Variants in ZMYM1 observed in about 807,000 individuals in gnomAD.
The protein encoded by ZMYM1 is zinc finger MYM-type containing 1, also known as zinc finger MYM-type protein 1.
A neutral mutation model predicts 60.0 loss-of-function variants in ZMYM1; 39 were observed. The observed-to-expected ratio is 0.65, with a 90% CI of 0.50 to 0.85. ZMYM1 has a LOEUF of 0.85. ZMYM1 is among the 40% of genes least tolerant of loss of function. ZMYM1 has a pLI of 0.00. For missense variants in ZMYM1, 1,171 were observed against 1,309.5 expected, an observed-to-expected ratio of 0.89 and a Z score of 1.63; for synonymous variants, 413 against 454.0, an observed-to-expected ratio of 0.91 and a Z score of 1.15.
At chr1:35,062,740 T>C (rs1641898748) in intron 1 of ZMYM1, among the ~76,000 whole-genome samples, 1 of 152,226 alleles carries the variant, frequency 6.6e-6, no homozygotes, top group African/African-American at 2.4e-5. Flanking sequence ...GTAATAAGGA[T>C]ACTGATGGCT....
chr1:35,059,891 G>A (rs1569828423), exon 1 of ZMYM1: 1 of 151,986 alleles, frequency 6.6e-6, no homozygotes, highest in African/African-American at 2.4e-5. Flanking sequence ...TGTCAGAGAG[G>A]TTCTGATTAC....
intron 1 of ZMYM1, among the ~76,000 whole-genome samples, chr1:35,081,004 C>T (rs1172276945): frequency 6.6e-6 from 1 of 151,898 alleles, no homozygotes; most frequent in South Asian, 2.1e-4. Context: ...AGTGCAGTAG[C>T]GCGATCTCAG....
At chr1:35,101,770 C>T (rs768374600) in intron 4 of ZMYM1, among the ~76,000 whole-genome samples, 37 of 151,972 alleles carry the variant, frequency 2.4e-4, no homozygotes, top group Non-Finnish European at 1.8e-4. Flanking sequence ...AGGCTAGTCT[C>T]GAACTCCTGA....
At chr1:35,111,506 A>G (rs541982885) in intron 7 of ZMYM1, among the ~76,000 whole-genome samples, 1 of 152,334 alleles carries the variant, frequency 6.6e-6, no homozygotes, top group African/African-American at 2.4e-5. Context: ...ATTTTAAACA[A>G]ATTCTTTAAA....
chr1:35,069,420 C>T (rs1642030783), intron 1 of ZMYM1, among the ~76,000 whole-genome samples: 1 of 152,034 alleles, frequency 6.6e-6, no homozygotes. Flanking sequence ...TTATCTTGTC[C>T]ATTTTAAAAT....
At chr1:35,107,742 T>G (rs1200596667) in intron 6 of ZMYM1, among the ~76,000 whole-genome samples, 3 of 152,236 alleles carry the variant, frequency 2.0e-5, no homozygotes, top group Admixed American at 6.5e-5. Context: ...ATTGTAATTA[T>G]TTTGGCCATA....
chr1:35,099,544 T>C (rs1643526396), intron 4 of ZMYM1, among the ~76,000 whole-genome samples: 1 of 152,162 alleles, frequency 6.6e-6, no homozygotes, highest in Non-Finnish European at 1.5e-5. Context: ...AATATTATAT[T>C]GTAGTGGGTA....
At chr1:35,085,841 A>G (rs1642624756) in intron 1 of ZMYM1, among the ~76,000 whole-genome samples, 1 of 152,208 alleles carries the variant, frequency 6.6e-6, no homozygotes, top group Non-Finnish European at 1.5e-5. Flanking sequence ...ACTGGCCCCT[A>G]GCATTTGTGG....
At chr1:35,101,685 G>A (rs1361712230) in intron 4 of ZMYM1, among the ~76,000 whole-genome samples, 5 of 151,364 alleles carry the variant, frequency 3.3e-5, no homozygotes, top group African/African-American at 4.9e-5. Context: ...TTACAGTGTC[G>A]TGTTCATAAC....
chr1:35,091,622 A>C (rs2935950), intron 1 of ZMYM1, among the ~76,000 whole-genome samples: 151,944 of 151,948 alleles, frequency 1, 75,970 homozygotes, highest in Non-Finnish European at 1. Context: ...ATAGGCTGGG[A>C]GCAGATGGAC....
At chr1:35,104,122 A>G (rs1643798044) in intron 4 of ZMYM1, 173 bp from the exon 5 acceptor site, 2 of 577,456 alleles carry the variant, frequency 3.5e-6, no homozygotes, top group African/African-American at 1.9e-5. Context: ...TAATGTATAG[A>G]TGAGAAAATT....
intron 4 of ZMYM1, among the ~76,000 whole-genome samples, chr1:35,098,697 A>G (rs1179020021): frequency 6.6e-6 from 1 of 152,158 alleles, no homozygotes; most frequent in African/African-American, 2.4e-5. Context: ...GCCTGAGCTC[A>G]GGAGTTTGAG....
In ZMYM1 at chr1:35,115,000, A is replaced by G; in HGVS notation, c.3170A>G (p.His1057Arg). ...AGTCTCGGCTGTTTGTTTATTCAGC[A>G]TGGTCTTCACAGTAATATTCCTTGT... is the stretch of plus-strand genomic sequence containing the variant. ...FVSLGCLFIQ[H>R]GLHSNIPCLS... Residue 1057 changes from histidine (H) to arginine (R), a missense_variant, in exon 10 of 10, where the codon CAT (histidine) becomes CGT (arginine). His to Arg is a conservative substitution (Grantham distance 29, BLOSUM62 0). Transcript: ENST00000359858. 2.5e-6 allele frequency: 4 copies of G among 1,614,102 alleles called. No homozygotes were observed. The highest frequency in any genetic ancestry group is 2.5e-6 in the Non-Finnish European group (3 of 1,179,948).
chr1:35,095,735 A>T, intron 2 of ZMYM1, 84 bp from the exon 3 acceptor site: 2 of 1,193,240 alleles, frequency 1.7e-6, no homozygotes, highest in Non-Finnish European at 2.3e-6. Context: ...CTTGACCACA[A>T]TTTATCATTT....
At chr1:35,118,722 G>T (rs1420499318), downstream of ZMYM1, among the ~76,000 whole-genome samples, 4 of 152,156 alleles carry the variant, frequency 2.6e-5, no homozygotes, top group South Asian at 2.1e-4. Context: ...AAAAATCGAG[G>T]TTGGTGTTCT....
At chr1:35,064,665 T>C (rs1641937323) in intron 1 of ZMYM1, among the ~76,000 whole-genome samples, 1 of 150,036 alleles carries the variant, frequency 6.7e-6, no homozygotes, top group Non-Finnish European at 1.5e-5. Context: ...TCCAAACATA[T>C]GGAAATTAAA....
chr1:35,106,086 CTT>C (rs894160358), intron 6 of ZMYM1, among the ~76,000 whole-genome samples: 9 of 151,976 alleles, frequency 5.9e-5, no homozygotes, highest in Admixed American at 2.6e-4. Flanking sequence ...AAGAACCTGT[CTT>C]TAAAAAAACA....
chr1:35,104,757 A>G lies in ZMYM1; in HGVS notation c.795A>G (p.Thr265=), dbSNP rs573224051. 4 of 1,611,666 alleles carry G rather than the reference A, an allele frequency of 2.5e-6. No homozygotes were observed. The East Asian group carries it at 6.7e-5, about 27-fold the overall frequency. The change falls in exon 6 of 10, where the codon ACA becomes ACG. Residue 265 remains threonine (T), a synonymous_variant. Transcript: ENST00000359858. ...ACTTTAATAGTTCAAAGAGTATTAC[A>G]GCATATAAGCAGGTATGAATAAAGA... ...SHYFNSSKSI[T]AYKQKPAKPL...
At chr1:35,111,978 A>G (rs1644103634) in intron 8 of ZMYM1, 66 bp downstream of exon 8, 2 of 1,557,822 alleles carry the variant, frequency 1.3e-6, no homozygotes, top group East Asian at 2.3e-5. Flanking sequence ...ATCTGTCTAT[A>G]TGCTAAATTT....
Sources: allele counts gnomAD v4.1 joint callset (sites outside exome capture counted in the v4.1 genomes callset), GRCh38; gene constraint gnomAD v4.1.1; transcripts MANE v1.5; gene names NCBI Gene and HGNC (gene_info 2026-07-23, HGNC 2026-07-21).